The following LPIN2 variants were observed in gnomAD, a reference collection of about 807,000 sequenced individuals.
LPIN2 encodes the protein phosphatidate phosphatase LPIN2.
LPIN2 carries 55 observed loss-of-function variants against 111.4 expected under a neutral mutation model. The ratio of observed to expected loss-of-function variants is 0.49; its 90% CI spans 0.40 to 0.62. The LOEUF is 0.62. LPIN2 is among the 20% of genes least tolerant of loss of function. LPIN2 has a pLI of 0.00. For synonymous variants in LPIN2, 425 were observed against 414.0 expected, an observed-to-expected ratio of 1.03 and a Z score of -0.32; for missense variants, 992 against 1,112.1, an observed-to-expected ratio of 0.89 and a Z score of 1.54.
chr18:2,940,823 A>T, intron 4 of LPIN2, 111 bp from the exon 5 acceptor site: 1 of 711,144 alleles, frequency 1.4e-6, no homozygotes, highest in Non-Finnish European at 2.5e-6. Context: ...GGGGCAAATG[A>T]TTACTAACTC....
intron 1 of LPIN2, among the ~76,000 whole-genome samples, chr18:2,973,088 C>T (rs1305103000): frequency 1.3e-5 from 2 of 152,008 alleles, no homozygotes; most frequent in Non-Finnish European, 2.9e-5. Context: ...ATGGTTATAC[C>T]TATCAGCACA....
At chr18:3,000,030 GT>G (rs57443537) in intron 1 of LPIN2, among the ~76,000 whole-genome samples, 239 of 142,896 alleles carry the variant, frequency 1.7e-3, no homozygotes, top group African/African-American at 5.9e-3. Context: ...TCTCTGTTTT[GT>G]TTTTTTTTTT....
intron 1 of LPIN2, among the ~76,000 whole-genome samples, chr18:2,983,091 G>A (rs1014580517): frequency 1.2e-4 from 18 of 152,162 alleles, no homozygotes; most frequent in Non-Finnish European, 2.2e-4. Flanking sequence ...ACAGGACAGG[G>A]ATTGAGTTAA....
intron 3 of LPIN2, 63 bp from the exon 4 acceptor site, chr18:2,951,419 A>G: frequency 3.0e-6 from 4 of 1,321,594 alleles, no homozygotes; most frequent in Non-Finnish European, 4.2e-6. Context: ...TAAAGCAGTA[A>G]TATTTTGAAT....
In LPIN2 at chr18:2,922,075, G is replaced by T; in HGVS notation, c.2299C>A (p.Pro767Thr). 1 of 1,613,780 alleles carries T rather than the reference G, an allele frequency of 6.2e-7. No homozygotes were observed. Among genetic ancestry groups the T allele is most frequent in the Non-Finnish European group, 8.5e-7 (1 of 1,179,906 alleles). Residue 767 changes from proline (P) to threonine (T), a missense_variant, in exon 17 of 20, where the codon CCC becomes ACC. This residue lies in a region of LPIN2 where 185 missense variants were observed against 186.5 expected (regional missense o/e 0.99). Transcript: ENST00000677752. ...TGGAAGGCGGAGAACAAGCTGCTGG[G>T]GGACAGCATCAGGGGGCCCCGGGGC... ...ILPRGPLMLSPSSLFSAFHRE... is the reference protein window; with the variant it reads ...ILPRGPLMLSTSSLFSAFHRE...
At chr18:2,965,506 A>C (rs1162930954) in intron 1 of LPIN2, among the ~76,000 whole-genome samples, 1 of 152,176 alleles carries the variant, frequency 6.6e-6, no homozygotes, top group African/African-American at 2.4e-5. Flanking sequence ...AGGCAGGTAG[A>C]TCACTTGAGG....
intron 3 of LPIN2, among the ~76,000 whole-genome samples, chr18:2,953,013 AC>A (rs1379388691): frequency 3.9e-5 from 6 of 152,256 alleles, no homozygotes; most frequent in Non-Finnish European, 8.8e-5. Flanking sequence ...TAAATGACGA[AC>A]CCCTAGAGGA....
chr18:2,945,707 A>C (rs1426748007), intron 4 of LPIN2: 3 of 1,275,790 alleles, frequency 2.4e-6, no homozygotes, highest in Admixed American at 3.4e-5. Flanking sequence ...ATAATTTCAC[A>C]TTTTGATCAA....
intron 2 of LPIN2, among the ~76,000 whole-genome samples, chr18:2,958,169 A>AAAAC (rs2077649984): frequency 6.8e-6 from 1 of 146,572 alleles, no homozygotes; most frequent in South Asian, 2.2e-4. Context: ...AACAAAAAAA[A>AAAAC]AAAACAGAAA....
chr18:2,997,223 C>A (rs1185208791), intron 1 of LPIN2, among the ~76,000 whole-genome samples: 1 of 152,190 alleles, frequency 6.6e-6, no homozygotes, highest in Non-Finnish European at 1.5e-5. Context: ...CTCAGGTGAT[C>A]CGCCGGCCTT....
At chr18:2,952,662 C>T (rs1332138451) in intron 3 of LPIN2, among the ~76,000 whole-genome samples, 1 of 152,078 alleles carries the variant, frequency 6.6e-6, no homozygotes, top group East Asian at 1.9e-4. Flanking sequence ...AAAAGAAACC[C>T]AGATGAGAGG....
At chr18:2,931,728 C>T (rs1334559985) in intron 8 of LPIN2, among the ~76,000 whole-genome samples, 2 of 152,028 alleles carry the variant, frequency 1.3e-5, no homozygotes, top group Non-Finnish European at 2.9e-5. Context: ...CAACTGTGGC[C>T]TTTCTGATTT....
In LPIN2 at chr18:2,951,213, C is replaced by T. The variant is rs2143107238; in HGVS notation, c.432G>A (p.Glu144=). The T allele has an allele frequency of 6.2e-7, 1 of 1,614,118 alleles. No homozygotes were observed. The highest frequency in any genetic ancestry group is 8.5e-7 in the Non-Finnish European group (1 of 1,180,034). The part of the protein sequence containing the change: ...SSDISHVLET[E]TIFTPSSVKK... ...TCACAGAACTTGGAGTAAAAATTGT[C>T]TCTGTTTCCAAGACGTGTGAGATGT... The change falls in exon 4 of 20, where the codon GAG becomes GAA. Residue 144 remains glutamate (E), a synonymous_variant. Coordinates refer to ENST00000677752, the MANE Select transcript of LPIN2 (RefSeq NM_001375808.2).
chr18:2,923,126 A>T (rs1415017036), intron 16 of LPIN2, among the ~76,000 whole-genome samples: 1 of 152,156 alleles, frequency 6.6e-6, no homozygotes, highest in Non-Finnish European at 1.5e-5. Flanking sequence ...TACTCAAAGA[A>T]ATACAATTTT....
In LPIN2 at chr18:2,943,558, T is replaced by C. The variant is rs193277129; in HGVS notation, c.591-2846A>G. Among the ~76,000 whole-genome samples the C allele has an allele frequency of 5.9e-4, 90 of 152,340 alleles. 1 individual carries two copies. The highest frequency in any genetic ancestry group is 2.1e-3 in the African/African-American group (86 of 41,574). On this transcript the variant is annotated intron_variant, in intron 4 of 19. Coordinates refer to ENST00000677752, the MANE Select transcript of LPIN2 (RefSeq NM_001375808.2). ...ACATTTAACAGATTAAGATACTGTT[T>C]AGGGGAAGACAGCCTCAGAAAGAAG... is the stretch of plus-strand genomic sequence containing the variant.
At chr18:2,947,512 G>A (rs1343265856) in intron 4 of LPIN2, among the ~76,000 whole-genome samples, 1 of 152,172 alleles carries the variant, frequency 6.6e-6, no homozygotes, top group Non-Finnish European at 1.5e-5. Context: ...TTCCAGAAAT[G>A]AGTTTCTTCC....
intron 1 of LPIN2, among the ~76,000 whole-genome samples, chr18:2,997,846 T>A (rs1284687139): frequency 6.6e-6 from 1 of 152,170 alleles, no homozygotes; most frequent in Non-Finnish European, 1.5e-5. Context: ...AAGGATGCAG[T>A]CCCCCAGCTT....
chr18:2,991,743 G>A (rs1164081637), intron 1 of LPIN2, among the ~76,000 whole-genome samples: 1 of 152,134 alleles, frequency 6.6e-6, no homozygotes, highest in African/African-American at 2.4e-5. Flanking sequence ...CGGGCACAGT[G>A]GCTCACGCCT....
At chr18:2,971,759 A>AC (rs1025314695) in intron 1 of LPIN2, among the ~76,000 whole-genome samples, 2 of 151,410 alleles carry the variant, frequency 1.3e-5, no homozygotes, top group African/African-American at 4.9e-5. Context: ...AAAAAAAAAA[A>AC]AAAACAGGCT....
Sources: allele counts gnomAD v4.1 joint callset (sites outside exome capture counted in the v4.1 genomes callset), GRCh38; gene constraint gnomAD v4.1.1; regional missense constraint gnomAD v4.1.1; transcripts MANE v1.5; gene names NCBI Gene and HGNC (gene_info 2026-07-23, HGNC 2026-07-21).